Variants in NFIA observed in about 807,000 individuals in gnomAD.
The protein encoded by NFIA is nuclear factor I A, also known as nuclear factor 1 A-type.
NFIA carries 8 observed loss-of-function variants against 62.8 expected under a neutral mutation model. The observed-to-expected ratio is 0.13, with a 90% confidence interval of 0.07 to 0.23. The LOEUF is 0.23. NFIA is among the 10% of genes least tolerant of loss of function. The pLI, the probability that NFIA is intolerant of heterozygous loss-of-function variation, is 1.00. For missense variants in NFIA, 410 were observed against 642.1 expected (o/e 0.64, Z 3.91); for synonymous variants, 235 against 238.1 (o/e 0.99, Z 0.12).
At chr1:61,381,508 G>A (rs17122061) in intron 6 of NFIA, among the ~76,000 whole-genome samples, 35,358 of 152,020 alleles carry the variant, frequency 0.23, 4,515 homozygotes, top group African/African-American at 0.35. Flanking sequence ...TCACATGGAT[G>A]TTGATCTAGA....
chr1:61,386,930 T>C (rs2100492056), intron 7 of NFIA, among the ~76,000 whole-genome samples: 1 of 152,304 alleles, frequency 6.6e-6, no homozygotes, highest in Non-Finnish European at 1.5e-5. Context: ...TCCTGGTTCA[T>C]AGATGGCATC....
intron 2 of NFIA, among the ~76,000 whole-genome samples, chr1:61,126,463 C>CAG (rs1646971975): frequency 4.6e-5 from 1 of 21,898 alleles, no homozygotes; most frequent in Admixed American, 5.8e-4. Context: ...CACACACACA[C>CAG]ACACACACAC....
chr1:61,167,124 G>C (rs544450594), intron 2 of NFIA, among the ~76,000 whole-genome samples: 1 of 152,322 alleles, frequency 6.6e-6, no homozygotes, highest in East Asian at 1.9e-4. Flanking sequence ...CTGGGTGACA[G>C]AGTGAGACTC....
chr1:61,277,737 A>G (rs1195310094), intron 3 of NFIA, 152 bp downstream of exon 3: 2 of 704,010 alleles, frequency 2.8e-6, no homozygotes, highest in East Asian at 2.8e-5. Context: ...ATTACTTTTA[A>G]TAGGGCAGCT....
rs550066375 is a variant in NFIA at position 61,290,237 on chromosome 1, A to G, written c.625+12652A>G. Among the ~76,000 whole-genome samples the G allele has an allele frequency of 9.9e-5, 15 of 152,274 alleles. No homozygotes were observed. In the South Asian group the frequency reaches 3.1e-3, roughly 32 times the overall value. On this transcript the variant is annotated intron_variant, in intron 3 of 10. Coordinates refer to ENST00000403491, the MANE Select transcript of NFIA (RefSeq NM_001134673.4). ...CAAGGTATTTATACCAGATGCCATT[A>G]TGTTTGTTAGATGGCATAAAACAAT...
rs1668581822 is a variant in NFIA at position 61,462,409 on chromosome 1, A to T, written c.*7089A>T. 6.6e-6 allele frequency: 1 copy of T among 152,140 alleles called. No individual in the cohort carries two copies. The highest frequency in any genetic ancestry group is 2.1e-4 in the South Asian group (1 of 4,828). 9.4% of individuals were successfully genotyped at this position (152,140 alleles called of 1,614,324 possible). ...ACCTCTGTTTTCCATTTCAAATTGT[A>T]GGGGGAGGGGATGGAACACTTCCAG... is the stretch of plus-strand genomic sequence containing the variant. On this transcript the variant is annotated 3_prime_UTR_variant, in exon 11 of 11. Coordinates refer to ENST00000403491, the MANE Select transcript of NFIA (RefSeq NM_001134673.4).
At chr1:61,263,118 A>G (rs1207933749) in intron 2 of NFIA, among the ~76,000 whole-genome samples, 1 of 151,920 alleles carries the variant, frequency 6.6e-6, no homozygotes, top group Non-Finnish European at 1.5e-5. Flanking sequence ...TTTTCCAACT[A>G]TTTCTCCTTT....
At chr1:61,195,641 T>G (rs1651937824) in intron 2 of NFIA, among the ~76,000 whole-genome samples, 1 of 152,190 alleles carries the variant, frequency 6.6e-6, no homozygotes, top group South Asian at 2.1e-4. Context: ...ATTTATAAAT[T>G]TTTTTATCCC....
Position 61,082,672 on chromosome 1 carries a change from T to G in NFIA, c.-120T>G. ...AGGCTTGATTTTTTTTTCTCCCCCCTTCTCTCTCTCTCTCTCTCTCTCTCT... is the reference window on the plus strand; with the variant it reads ...AGGCTTGATTTTTTTTTCTCCCCCCGTCTCTCTCTCTCTCTCTCTCTCTCT... On this transcript the variant is annotated 5_prime_UTR_variant, in exon 1 of 11. Transcript: ENST00000403491. 6.9e-7 allele frequency: 1 copy of G among 1,445,744 alleles called. No individual in the cohort carries two copies. The highest frequency in any genetic ancestry group is 9.2e-7 in the Non-Finnish European group (1 of 1,083,246). 89.6% of individuals were successfully genotyped at this position (1,445,744 alleles called of 1,614,324 possible). A position where few individuals can be genotyped will look rare whatever the true frequency, so the allele number is the denominator to read the frequency against.
intron 2 of NFIA, among the ~76,000 whole-genome samples, chr1:61,107,701 A>G (rs1183649030): frequency 6.6e-6 from 1 of 151,672 alleles, no homozygotes; most frequent in Non-Finnish European, 1.5e-5. Context: ...AATCTTTATC[A>G]CATGGTTATT....
intron 3 of NFIA, among the ~76,000 whole-genome samples, chr1:61,283,144 A>G (rs774030190): frequency 1.3e-5 from 2 of 152,210 alleles, no homozygotes; most frequent in Non-Finnish European, 2.9e-5. Context: ...ATCATTGTTA[A>G]ATGTTGCTAG....
intron 2 of NFIA, among the ~76,000 whole-genome samples, chr1:61,143,060 C>T (rs1300739531): frequency 6.6e-6 from 1 of 152,076 alleles, no homozygotes; most frequent in Non-Finnish European, 1.5e-5. Context: ...GATTCTTGTC[C>T]CTAAGCTCTT....
chr1:61,299,190 T>C (rs977129587), intron 3 of NFIA, among the ~76,000 whole-genome samples: 1 of 152,208 alleles, frequency 6.6e-6, no homozygotes, highest in Admixed American at 6.5e-5. Context: ...CCATCCGGTA[T>C]CAAGAGGCTC....
intron 2 of NFIA, among the ~76,000 whole-genome samples, chr1:61,184,302 G>A (rs972728181): frequency 5.9e-5 from 9 of 152,184 alleles, no homozygotes; most frequent in African/African-American, 9.7e-5. Context: ...TTACTCGGCC[G>A]CAGCCAATCA....
intron 2 of NFIA, among the ~76,000 whole-genome samples, chr1:61,095,369 A>G (rs905066783): frequency 6.6e-6 from 1 of 152,258 alleles, no homozygotes; most frequent in Non-Finnish European, 1.5e-5. Flanking sequence ...GGATGAGGAT[A>G]GACTCTTCAG....
intron 2 of NFIA, among the ~76,000 whole-genome samples, chr1:61,143,610 A>G (rs1041895918): frequency 2.0e-5 from 3 of 152,084 alleles, no homozygotes; most frequent in African/African-American, 7.2e-5. Context: ...AGGCTGGTCT[A>G]GAACTTCTGG....
At chr1:61,369,874 T>G (rs1402205773) in intron 6 of NFIA, among the ~76,000 whole-genome samples, 1 of 152,190 alleles carries the variant, frequency 6.6e-6, no homozygotes, top group Non-Finnish European at 1.5e-5. Context: ...CTTATTTCCC[T>G]CTCTCATAGG....
At chr1:61,322,993 A>G (rs562153870) in intron 3 of NFIA, among the ~76,000 whole-genome samples, 4 of 152,206 alleles carry the variant, frequency 2.6e-5, no homozygotes, top group African/African-American at 9.6e-5. Context: ...GATGGCAAAA[A>G]CAAACAAAAA....
chr1:61,107,651 A>G (rs1285408365), intron 2 of NFIA, among the ~76,000 whole-genome samples: 3 of 151,814 alleles, frequency 2.0e-5, no homozygotes, highest in East Asian at 3.9e-4. Flanking sequence ...GTTATCTTTG[A>G]TCAACAAAAA....
Sources: gnomAD v4.1 joint callset for allele counts (sites outside exome capture counted in the v4.1 genomes callset) on GRCh38, gnomAD v4.1.1 for gene constraint, MANE v1.5 for transcripts, NCBI Gene and HGNC (gene_info 2026-07-23, HGNC 2026-07-21) for gene names.